Variants in ROBO1 observed in about 807,000 individuals in gnomAD.
ROBO1 encodes the protein roundabout homolog 1.
ROBO1 carries 149 observed loss-of-function variants against 195.9 expected under a neutral mutation model. The observed-to-expected ratio is 0.76, with a 90% CI of 0.67 to 0.87. The LOEUF (loss-of-function observed/expected upper bound fraction) is 0.87. Among genes scored for constraint, ROBO1 ranks in the 40% least tolerant of loss-of-function variants. The pLI, the probability that ROBO1 is intolerant of heterozygous loss-of-function variation, is 0.00. For synonymous variants in ROBO1, 816 were observed against 733.2 expected, an observed-to-expected ratio of 1.11 and a Z score of -1.82; for missense variants, 1,933 against 2,068.3, an observed-to-expected ratio of 0.93 and a Z score of 1.27.
At chr3:78,630,647 G>C (rs918196578) in intron 25 of ROBO1, among the ~76,000 whole-genome samples, 3 of 152,136 alleles carry the variant, frequency 2.0e-5, no homozygotes, top group Admixed American at 6.5e-5. Flanking sequence ...AGGTACACTA[G>C]CTTCCTAATT....
chr3:78,847,966 G>A (rs1319151206), intron 4 of ROBO1, among the ~76,000 whole-genome samples: 1 of 152,158 alleles, frequency 6.6e-6, no homozygotes, highest in Non-Finnish European at 1.5e-5. Context: ...CTATAAAATT[G>A]ATCAAGTAAC....
intron 2 of ROBO1, among the ~76,000 whole-genome samples, chr3:79,568,508 A>AT (rs377490411): frequency 0.092 from 13,662 of 147,952 alleles, 663 homozygotes; most frequent in Middle Eastern, 0.16. Flanking sequence ...GATTGATTGA[A>AT]TTTTTTTCTT....
chr3:78,972,746 T>G (rs1169907027), intron 3 of ROBO1, among the ~76,000 whole-genome samples: 1 of 152,212 alleles, frequency 6.6e-6, no homozygotes, highest in Non-Finnish European at 1.5e-5. Flanking sequence ...ACCCTTCCTC[T>G]GTTTTTCAGA....
chr3:79,651,729 G>T (rs979553372), intron 1 of ROBO1, among the ~76,000 whole-genome samples: 1 of 152,012 alleles, frequency 6.6e-6, no homozygotes, highest in Admixed American at 6.6e-5. Context: ...GCTCTCCTTG[G>T]CTTGGTTTAA....
chr3:79,248,053 G>C (rs934673265), intron 2 of ROBO1, among the ~76,000 whole-genome samples: 1 of 152,138 alleles, frequency 6.6e-6, no homozygotes, highest in African/African-American at 2.4e-5. Context: ...TTAAAGAAGA[G>C]AGGGAAATCT....
intron 3 of ROBO1, among the ~76,000 whole-genome samples, chr3:79,115,155 T>A (rs550292678): frequency 1.3e-5 from 2 of 152,330 alleles, no homozygotes; most frequent in South Asian, 4.1e-4. Flanking sequence ...TGATGGTTGA[T>A]CTTTCAAATC....
intron 1 of ROBO1, among the ~76,000 whole-genome samples, chr3:79,668,659 G>A (rs1471439124): frequency 1.3e-5 from 2 of 150,508 alleles, no homozygotes; most frequent in Non-Finnish European, 3.0e-5. Flanking sequence ...AGAAATCTAA[G>A]CAATTTACAC....
intron 8 of ROBO1, among the ~76,000 whole-genome samples, chr3:78,705,859 G>T (rs916110244): frequency 6.6e-6 from 1 of 152,068 alleles, no homozygotes; most frequent in South Asian, 2.1e-4. Context: ...CACCTGTTTT[G>T]CTGGTTCTTC....
chr3:78,812,054 G>T (rs1358235134), intron 4 of ROBO1, among the ~76,000 whole-genome samples: 1 of 152,068 alleles, frequency 6.6e-6, no homozygotes, highest in African/African-American at 2.4e-5. Context: ...AATATGCTTG[G>T]AAGTGAACAT....
chr3:78,643,747 G>A (rs780639668), intron 21 of ROBO1, among the ~76,000 whole-genome samples: 5 of 152,070 alleles, frequency 3.3e-5, no homozygotes, highest in Admixed American at 6.6e-5. Context: ...TCAAAAGATC[G>A]TTCTGTCTCC....
intron 10 of ROBO1, among the ~76,000 whole-genome samples, chr3:78,680,132 T>C (rs906499135): frequency 1.3e-5 from 2 of 152,158 alleles, no homozygotes; most frequent in African/African-American, 2.4e-5. Context: ...TAGTCATATG[T>C]AGAAAGCTGA....
intron 3 of ROBO1, among the ~76,000 whole-genome samples, chr3:79,071,066 GT>G (rs1454660529): frequency 6.6e-6 from 1 of 151,686 alleles, no homozygotes; most frequent in Non-Finnish European, 1.5e-5. Context: ...ATCTGCCTTT[GT>G]TGTAAGAATA....
At chr3:78,667,787 T>G (rs908810522) in intron 14 of ROBO1, 96 bp downstream of exon 14, 1 of 1,242,290 alleles carries the variant, frequency 8.0e-7, no homozygotes, top group Non-Finnish European at 1.1e-6. Context: ...ACACTGTAAA[T>G]GTACAATTCT....
chr3:79,670,819 A>G (rs1038295796), intron 1 of ROBO1, among the ~76,000 whole-genome samples: 1 of 151,866 alleles, frequency 6.6e-6, no homozygotes, highest in Non-Finnish European at 1.5e-5. Flanking sequence ...TTAGAAAGTC[A>G]TTTAGGACCC....
chr3:79,253,153 G>GTATATCT (rs1156812757), intron 2 of ROBO1, among the ~76,000 whole-genome samples: 7 of 152,026 alleles, frequency 4.6e-5, no homozygotes, highest in Non-Finnish European at 8.8e-5. Flanking sequence ...TTAGCAGTGT[G>GTATATCT]TAGACAAAAA....
intron 1 of ROBO1, among the ~76,000 whole-genome samples, chr3:79,677,763 T>A (rs548586623): frequency 6.6e-6 from 1 of 152,044 alleles, no homozygotes; most frequent in Non-Finnish European, 1.5e-5. Flanking sequence ...CTTAAAGATA[T>A]CAATTTTGCC....
intron 1 of ROBO1, among the ~76,000 whole-genome samples, chr3:79,744,675 A>AT (rs547524334): frequency 5.9e-5 from 9 of 152,264 alleles, no homozygotes; most frequent in Middle Eastern, 3.4e-3. Context: ...CACCCGGTTT[A>AT]TTGTATTGTG....
At chr3:79,543,978 A>C (rs1942171748) in intron 2 of ROBO1, among the ~76,000 whole-genome samples, 1 of 152,158 alleles carries the variant, frequency 6.6e-6, no homozygotes, top group African/African-American at 2.4e-5. Flanking sequence ...AAAATGAGGA[A>C]TGATTTCAGA....
At chr3:79,672,113 T>C (rs190233453) in intron 1 of ROBO1, among the ~76,000 whole-genome samples, 1 of 152,132 alleles carries the variant, frequency 6.6e-6, no homozygotes, top group East Asian at 1.9e-4. Context: ...CCGTTCACCC[T>C]GTGAGTTCAT....
Sources: allele counts gnomAD v4.1 joint callset (sites outside exome capture counted in the v4.1 genomes callset), GRCh38; gene constraint gnomAD v4.1.1; transcripts MANE v1.5; gene names NCBI Gene and HGNC (gene_info 2026-07-23, HGNC 2026-07-21).